The following EPB41L2 variants were observed in gnomAD, a reference collection of about 807,000 sequenced individuals.
EPB41L2 encodes the protein erythrocyte membrane protein band 4.1 like 2, also known as band 4.1-like protein 2.
EPB41L2 carries 43 observed loss-of-function variants against 113.0 expected under a neutral mutation model. That is an observed-to-expected ratio of 0.38 (90% confidence interval 0.30 to 0.49). The LOEUF (loss-of-function observed/expected upper bound fraction) is 0.49, where lower values mean the gene tolerates loss of function less well. Among genes scored for constraint, EPB41L2 ranks in the 20% least tolerant of loss-of-function variants. EPB41L2 has a pLI of 0.95. For synonymous variants in EPB41L2, 442 were observed against 436.7 expected (o/e 1.01, Z -0.15); for missense variants, 1,147 against 1,223.4 (o/e 0.94, Z 0.93).
intron 1 of EPB41L2, among the ~76,000 whole-genome samples, chr6:131,004,890 A>G (rs2128717634): frequency 6.6e-6 from 1 of 152,308 alleles, no homozygotes; most frequent in South Asian, 2.1e-4. Flanking sequence ...ACGGTCATGT[A>G]CAAACAGGAA....
At chr6:130,884,626 ACT>A (rs1790353883) in intron 12 of EPB41L2, among the ~76,000 whole-genome samples, 1 of 152,190 alleles carries the variant, frequency 6.6e-6, no homozygotes, top group African/African-American at 2.4e-5. Context: ...CCATGTTCTC[ACT>A]CTCTATTCAC....
chr6:130,909,190 C>T (rs1161875509), intron 4 of EPB41L2, among the ~76,000 whole-genome samples: 1 of 152,188 alleles, frequency 6.6e-6, no homozygotes, highest in Non-Finnish European at 1.5e-5. Flanking sequence ...CAACAAATAG[C>T]CCCTGCAGAC....
intron 3 of EPB41L2, among the ~76,000 whole-genome samples, chr6:130,940,481 T>G (rs201285792): frequency 4.0e-5 from 6 of 151,410 alleles, no homozygotes; most frequent in African/African-American, 1.2e-4. Flanking sequence ...TTTTTTCTTT[T>G]GGGAGATGGA....
intron 5 of EPB41L2, 76 bp from the exon 6 acceptor site, chr6:130,904,616 G>T: frequency 1.1e-6 from 1 of 947,504 alleles, no homozygotes. Context: ...TAAAGGTCAA[G>T]GATCAAACAG....
chr6:130,982,786 AC>A (rs1462169355), intron 1 of EPB41L2, among the ~76,000 whole-genome samples: 1 of 152,228 alleles, frequency 6.6e-6, no homozygotes, highest in Non-Finnish European at 1.5e-5. Flanking sequence ...ATGCTTTGAA[AC>A]ATCTCTGTAA....
chr6:131,023,758 T>TAG (rs895795210), intron 1 of EPB41L2, among the ~76,000 whole-genome samples: 8 of 63,902 alleles, frequency 1.3e-4, no homozygotes, highest in African/African-American at 5.3e-4. Flanking sequence ...TATATATAGA[T>TAG]ATATAGATAT....
chr6:130,851,233 T>G (rs1562291962), intron 19 of EPB41L2, among the ~76,000 whole-genome samples: 1 of 152,222 alleles, frequency 6.6e-6, no homozygotes, highest in Non-Finnish European at 1.5e-5. Context: ...GGCTCATGAT[T>G]AGCTAGAGCT....
intron 1 of EPB41L2, among the ~76,000 whole-genome samples, chr6:131,037,808 C>G (rs1250870100): frequency 6.6e-6 from 1 of 152,010 alleles, no homozygotes; most frequent in Non-Finnish European, 1.5e-5. Context: ...AAGCTGGTCT[C>G]AAACTCTTGA....
At position 131,044,023 on chromosome 6, in the gene EPB41L2, T is replaced by C. The variant is rs957985907; in HGVS notation, c.-15+19132A>G. On this transcript the variant is annotated intron_variant, in intron 1 of 19. Coordinates refer to ENST00000337057, the MANE Select transcript of EPB41L2 (RefSeq NM_001431.4). The stretch of plus-strand genomic sequence containing the variant: ...TTTAAAACTTTCTAAATAATGCTTT[T>C]TTTTTTTTTTTTTTTTGAGACAGGG... Among the ~76,000 whole-genome samples, 13 of 146,320 alleles carry C rather than the reference T, an allele frequency of 8.9e-5. 1 individual carries two copies. Among genetic ancestry groups the C allele is most frequent in the African/African-American group, 3.3e-4 (13 of 39,646 alleles).
chr6:130,935,626 C>A lies in EPB41L2; in HGVS notation c.706-8917G>T, dbSNP rs144435666. ...TAACAGTTGAAGTCTATGATATGGCCCCTTTTTTTAAAAAGAAAATAAATG... is the reference window on the plus strand; with the variant it reads ...TAACAGTTGAAGTCTATGATATGGCACCTTTTTTTAAAAAGAAAATAAATG... On this transcript the variant is annotated intron_variant, in intron 3 of 19. Transcript: ENST00000337057. Among the ~76,000 whole-genome samples the A allele has an allele frequency of 6.4e-3, 967 of 152,160 alleles. 11 individuals are homozygous for A. The highest frequency in any genetic ancestry group is 0.022 in the African/African-American group (933 of 41,508).
chr6:130,902,977 C>T (rs947101333), intron 6 of EPB41L2, among the ~76,000 whole-genome samples: 1 of 152,168 alleles, frequency 6.6e-6, no homozygotes, highest in South Asian at 2.1e-4. Flanking sequence ...GACATTTAAG[C>T]TTCCAGGCCA....
At chr6:130,985,212 T>C (rs993703219) in intron 1 of EPB41L2, among the ~76,000 whole-genome samples, 4 of 152,176 alleles carry the variant, frequency 2.6e-5, no homozygotes, top group South Asian at 2.1e-4. Context: ...TTTTAACCAA[T>C]TGAATGTTGT....
chr6:130,877,344 C>T (rs894373175), intron 14 of EPB41L2, among the ~76,000 whole-genome samples: 3 of 152,160 alleles, frequency 2.0e-5, no homozygotes, highest in Non-Finnish European at 2.9e-5. Flanking sequence ...GATCACTGTC[C>T]GCTCAAGTAT....
intron 5 of EPB41L2, among the ~76,000 whole-genome samples, chr6:130,907,186 G>A (rs577777772): frequency 1.3e-5 from 2 of 152,246 alleles, no homozygotes; most frequent in South Asian, 4.2e-4. Flanking sequence ...CTCTCTGTTT[G>A]GGTCACTTGG....
At chr6:130,969,118 T>C (rs911259453) in intron 1 of EPB41L2, among the ~76,000 whole-genome samples, 2 of 152,170 alleles carry the variant, frequency 1.3e-5, no homozygotes, top group South Asian at 2.1e-4. Flanking sequence ...TGGGGGATGA[T>C]TGGCTGTCCA....
At chr6:130,904,397 C>T in intron 6 of EPB41L2, 68 bp downstream of exon 6, 2 of 1,113,266 alleles carry the variant, frequency 1.8e-6, no homozygotes, top group East Asian at 2.5e-5. Context: ...TACCACTATG[C>T]TCCCAGGGCA....
intron 12 of EPB41L2, chr6:130,881,820 A>G (rs544549694): frequency 1.3e-5 from 2 of 152,318 alleles, no homozygotes; most frequent in Non-Finnish European, 2.9e-5. Flanking sequence ...GTTAAAGACA[A>G]CAGAATAGTA....
At chr6:130,945,487 T>G (rs1052440574) in intron 3 of EPB41L2, among the ~76,000 whole-genome samples, 1 of 152,214 alleles carries the variant, frequency 6.6e-6, no homozygotes, top group Non-Finnish European at 1.5e-5. Flanking sequence ...ACAATGCCCT[T>G]GATTCTCAGA....
chr6:130,871,808 A>T (rs1785783832), intron 14 of EPB41L2, among the ~76,000 whole-genome samples: 1 of 152,232 alleles, frequency 6.6e-6, no homozygotes, highest in African/African-American at 2.4e-5. Context: ...TATAATAAAC[A>T]TATCCAGTGA....
Sources: gnomAD v4.1 joint callset for allele counts (sites outside exome capture counted in the v4.1 genomes callset) on GRCh38, gnomAD v4.1.1 for gene constraint, MANE v1.5 for transcripts, NCBI Gene and HGNC (gene_info 2026-07-23, HGNC 2026-07-21) for gene names.